Variants in BBS9 observed in about 807,000 individuals in gnomAD.
BBS9 encodes protein PTHB1.
A neutral mutation model predicts 117.7 loss-of-function variants in BBS9; 89 were observed. The observed-to-expected ratio is 0.76, with a 90% CI of 0.64 to 0.90. BBS9 has a LOEUF of 0.90. Ranked by LOEUF, BBS9 falls within the 40% of genes least tolerant of loss-of-function variation. BBS9 has a pLI of 0.00. For synonymous variants in BBS9, 379 were observed against 370.9 expected, an observed-to-expected ratio of 1.02 and a Z score of -0.25; for missense variants, 982 against 1,042.2, an observed-to-expected ratio of 0.94 and a Z score of 0.80.
chr7:33,311,899 G>A (rs1809332262), intron 9 of BBS9, among the ~76,000 whole-genome samples: 1 of 151,872 alleles, frequency 6.6e-6, no homozygotes, highest in Admixed American at 6.6e-5. Context: ...ATTCCTCTGT[G>A]CAATAGAATG....
chr7:33,618,336 C>T (rs1423520378), intron 21 of BBS9, among the ~76,000 whole-genome samples: 1 of 150,664 alleles, frequency 6.6e-6, no homozygotes, highest in Non-Finnish European at 1.5e-5. Context: ...AAGAGCAGAA[C>T]CTTGTCTCAA....
intron 21 of BBS9, among the ~76,000 whole-genome samples, chr7:33,592,253 T>C (rs1007791415): frequency 6.6e-6 from 1 of 152,098 alleles, no homozygotes; most frequent in Non-Finnish European, 1.5e-5. Flanking sequence ...AGTCTTTCTC[T>C]GTGCCGGGCA....
At chr7:33,388,806 A>T (rs895985767) in intron 19 of BBS9, among the ~76,000 whole-genome samples, 2 of 152,196 alleles carry the variant, frequency 1.3e-5, no homozygotes, top group Non-Finnish European at 2.9e-5. Flanking sequence ...GAAGGCTTCT[A>T]CCAGTTCTGT....
At chr7:33,226,027 G>A (rs776433139) in intron 5 of BBS9, among the ~76,000 whole-genome samples, 5 of 152,168 alleles carry the variant, frequency 3.3e-5, no homozygotes, top group Non-Finnish European at 7.3e-5. Flanking sequence ...TTCCAACATA[G>A]CCAAAGGTAC....
chr7:33,257,365 A>T lies in BBS9; in HGVS notation c.572A>T (p.Asp191Val). The change falls in exon 6 of 23, where the codon GAT (aspartate) becomes GTT (valine). Residue 191 changes from aspartate to valine, a missense_variant. By Grantham distance (152) the Asp-to-Val change is radical. Coordinates refer to ENST00000242067, the MANE Select transcript of BBS9 (RefSeq NM_198428.3). ...CCTCTTGCCTACAGTTCCCGTACAGATTCCTTCCTTACTGTCTCTTCCTGC... is the reference window on the plus strand; with the variant it reads ...CCTCTTGCCTACAGTTCCCGTACAGTTTCCTTCCTTACTGTCTCTTCCTGC... ...PGPLAYSSRTDSFLTVSSCQQ... is the reference protein window; with the variant it reads ...PGPLAYSSRTVSFLTVSSCQQ... 3.7e-6 allele frequency: 6 copies of T among 1,614,012 alleles called. No homozygotes were observed. Among genetic ancestry groups the T allele is most frequent in the Non-Finnish European group, 5.1e-6 (6 of 1,179,928 alleles).
At chr7:33,265,642 C>T (rs1306388408) in intron 7 of BBS9, among the ~76,000 whole-genome samples, 6 of 151,990 alleles carry the variant, frequency 3.9e-5, no homozygotes, top group Admixed American at 3.9e-4. Context: ...TTCAGGAGTT[C>T]GAGAGCAGCC....
At chr7:33,561,954 CT>C (rs1856148312) in intron 21 of BBS9, among the ~76,000 whole-genome samples, 1 of 152,130 alleles carries the variant, frequency 6.6e-6, no homozygotes. Flanking sequence ...TCTTTTCTTT[CT>C]TGAAAAATAG....
At chr7:33,601,707 TCCCATTG>T (rs1863824417) in intron 21 of BBS9, among the ~76,000 whole-genome samples, 1 of 152,048 alleles carries the variant, frequency 6.6e-6, no homozygotes, top group Non-Finnish European at 1.5e-5. Context: ...TGGACTTACC[TCCCATTG>T]CCCATTAGCC....
chr7:33,274,892 G>A (rs2128350031), intron 9 of BBS9, among the ~76,000 whole-genome samples: 1 of 151,634 alleles, frequency 6.6e-6, no homozygotes, highest in Non-Finnish European at 1.5e-5. Flanking sequence ...CTGCTTGGGA[G>A]GCTGAGGCAG....
chr7:33,505,795 A>C, intron 20 of BBS9, 150 bp downstream of exon 20: 1 of 855,902 alleles, frequency 1.2e-6, no homozygotes, highest in Non-Finnish European at 1.8e-6. Context: ...TTAAACCATA[A>C]TAAAAATGTC....
chr7:33,631,169 A>G (rs1317999445), intron 21 of BBS9, among the ~76,000 whole-genome samples: 1 of 152,138 alleles, frequency 6.6e-6, no homozygotes, highest in African/African-American at 2.4e-5. Context: ...AAGTTGGAGG[A>G]AAGGCGAAAA....
At chr7:33,385,341 A>G (rs1825823260) in intron 18 of BBS9, among the ~76,000 whole-genome samples, 2 of 152,262 alleles carry the variant, frequency 1.3e-5, no homozygotes, top group African/African-American at 2.4e-5. Flanking sequence ...TTTGTTCTCT[A>G]TCTCCTTTCT....
intron 5 of BBS9, among the ~76,000 whole-genome samples, chr7:33,216,901 C>T (rs1404362968): frequency 6.6e-6 from 1 of 152,086 alleles, no homozygotes; most frequent in East Asian, 1.9e-4. Context: ...TGAGACCAGC[C>T]TGGCCAACAT....
intron 9 of BBS9, among the ~76,000 whole-genome samples, chr7:33,306,402 T>C (rs539664694): frequency 5.3e-4 from 81 of 152,158 alleles, no homozygotes; most frequent in African/African-American, 1.8e-3. Flanking sequence ...TTATGTGAAG[T>C]CTCTCATAGT....
rs780367770 is a variant in BBS9, at chr7:33,273,109, ACTT to A, written c.801_803del (p.Phe269del). On this transcript the variant is annotated inframe_deletion, in exon 8 of 23. Coordinates refer to ENST00000242067, the MANE Select transcript of BBS9 (RefSeq NM_198428.3). ...TCTGTTTTTGTTCTTGGTGAGAGAA[ACTT>A]TTTTTGCCTTAAGGATAATGGACAA... The A allele has an allele frequency of 2.5e-6, 4 of 1,613,722 alleles. No individual in the cohort carries two copies. The highest frequency in any genetic ancestry group is 1.7e-5 in the Admixed American group (1 of 60,006).
chr7:33,630,038 C>T (rs1444387628), intron 21 of BBS9, among the ~76,000 whole-genome samples: 3 of 147,932 alleles, frequency 2.0e-5, no homozygotes, highest in African/African-American at 7.8e-5. Flanking sequence ...GCACAGCTCC[C>T]ACATTGCTAC....
chr7:33,338,882 A>T (rs527259333), intron 10 of BBS9, among the ~76,000 whole-genome samples: 1 of 152,194 alleles, frequency 6.6e-6, no homozygotes, highest in African/African-American at 2.4e-5. Flanking sequence ...ACTGGGTGCA[A>T]CATTGAGATA....
intron 1 of BBS9, among the ~76,000 whole-genome samples, chr7:33,137,121 G>T (rs565724672): frequency 6.6e-6 from 1 of 152,028 alleles, no homozygotes; most frequent in Non-Finnish European, 1.5e-5. Flanking sequence ...CTGTGCTGTC[G>T]GTGCCCAGAG....
intron 9 of BBS9, among the ~76,000 whole-genome samples, chr7:33,300,488 AT>A (rs961012660): frequency 1.1e-4 from 16 of 152,204 alleles, no homozygotes; most frequent in Non-Finnish European, 1.5e-4. Flanking sequence ...TTTCTTTTTA[AT>A]TTTAATTTTA....
Sources: allele counts gnomAD v4.1 joint callset (sites outside exome capture counted in the v4.1 genomes callset), GRCh38; gene constraint gnomAD v4.1.1; transcripts MANE v1.5; gene names NCBI Gene and HGNC (gene_info 2026-07-23, HGNC 2026-07-21).